PRH1: variants seen among roughly 807,000 people sequenced by gnomAD.
PRH1 encodes the protein proline rich protein HaeIII subfamily 1.
In PRH1, 7 loss-of-function variants were observed where a neutral mutation model predicts 7.9. The ratio of observed to expected loss-of-function variants is 0.89; its 90% CI spans 0.50 to 1.67. PRH1 has a LOEUF of 1.67. PRH1 is among the 40% of genes most tolerant of loss of function. PRH1 has a pLI of 0.00. For synonymous variants in PRH1, 45 were observed against 80.8 expected (o/e 0.56, Z 2.38); for missense variants, 109 against 223.6 (o/e 0.49, Z 3.27).
chr12:10,938,479 G>GA, intron 2 of PRH1: 1 of 1,614,022 alleles, frequency 6.2e-7, no homozygotes, highest in Non-Finnish European at 8.5e-7. Context: ...AAGACAGAGA[G>GA]AAAATGGCAT....
intron 1 of PRH1, among the ~76,000 whole-genome samples, chr12:11,042,328 A>T (rs1942738829): frequency 1.3e-5 from 2 of 151,988 alleles, no homozygotes; most frequent in Non-Finnish European, 2.9e-5. Context: ...AGTGACTAGT[A>T]TGAACAACTA....
chr12:11,041,431 C>G (rs552843556), intron 1 of PRH1, among the ~76,000 whole-genome samples: 15 of 151,998 alleles, frequency 9.9e-5, no homozygotes, highest in Middle Eastern at 3.4e-3. Flanking sequence ...AAGGATATAG[C>G]AATTGTAAAT....
chr12:11,060,204 A>G (rs1943527726), intron 1 of PRH1, among the ~76,000 whole-genome samples: 1 of 152,182 alleles, frequency 6.6e-6, no homozygotes, highest in South Asian at 2.1e-4. Flanking sequence ...ATCTCATAAT[A>G]GAACTTCCTA....
intron 2 of PRH1, among the ~76,000 whole-genome samples, chr12:10,917,317 G>T (rs1488891127): frequency 2.1e-5 from 3 of 140,950 alleles, no homozygotes; most frequent in African/African-American, 4.9e-5. Context: ...TCAACTAAGG[G>T]ATTAATACAA....
chr12:10,921,358 T>C (rs1950043013), intron 2 of PRH1, among the ~76,000 whole-genome samples: 1 of 152,116 alleles, frequency 6.6e-6, no homozygotes, highest in Non-Finnish European at 1.5e-5. Context: ...TGTTGATTTA[T>C]TAAAGTTTTT....
chr12:10,949,450 T>A (rs1175798613), intron 2 of PRH1, among the ~76,000 whole-genome samples: 1 of 152,216 alleles, frequency 6.6e-6, no homozygotes, highest in Admixed American at 6.5e-5. Context: ...TGTCCAAGAT[T>A]AGCATTAAGA....
chr12:11,094,920 T>C (rs1383744037), intron 1 of PRH1, among the ~76,000 whole-genome samples: 1 of 93,778 alleles, frequency 1.1e-5, no homozygotes, highest in African/African-American at 3.6e-5. Flanking sequence ...ATATAAGCAA[T>C]ATCCATAATT....
intron 1 of PRH1, among the ~76,000 whole-genome samples, chr12:10,995,969 A>T (rs1426080705): frequency 1.3e-5 from 2 of 152,058 alleles, no homozygotes; most frequent in African/African-American, 4.8e-5. Flanking sequence ...TATATTTTTC[A>T]CCCTTGAATT....
In PRH1 at chr12:10,883,057, T is replaced by C. The variant is rs1372351193; in HGVS notation, c.100+4A>G. Reference sequence around the variant, plus strand: ...GAGTTTACTGAGAATTTATTGGGATTTACCTGATATTACGAGGGGAACATC... The same window carrying C: ...GAGTTTACTGAGAATTTATTGGGATCTACCTGATATTACGAGGGGAACATC... On this transcript the variant is annotated splice_donor_region_variant and intron_variant, in intron 2 of 3. Transcript: ENST00000543626. 3 of 1,612,162 alleles carry C rather than the reference T, an allele frequency of 1.9e-6. No homozygotes were observed. Among genetic ancestry groups the C allele is most frequent in the South Asian group, 1.1e-5 (1 of 91,048 alleles).
chr12:10,928,338 C>G (rs1458779974), intron 2 of PRH1, among the ~76,000 whole-genome samples: 2 of 152,086 alleles, frequency 1.3e-5, no homozygotes, highest in Non-Finnish European at 2.9e-5. Flanking sequence ...AGTATGGCCA[C>G]TTAGTTATTA....
chr12:11,108,829 C>T (rs1945505753), intron 1 of PRH1, among the ~76,000 whole-genome samples: 1 of 152,146 alleles, frequency 6.6e-6, no homozygotes, highest in South Asian at 2.1e-4. Context: ...ACCATTCAGT[C>T]CCCTGGAAAG....
intron 1 of PRH1, chr12:11,077,495 A>C (rs1944331035): frequency 9.8e-7 from 1 of 1,017,262 alleles, no homozygotes; most frequent in African/African-American, 1.7e-5. Flanking sequence ...CAAAGATTCC[A>C]GGTTAATGTG....
intron 1 of PRH1, among the ~76,000 whole-genome samples, chr12:11,151,059 T>C (rs897629071): frequency 2.6e-5 from 4 of 152,200 alleles, no homozygotes; most frequent in Admixed American, 6.5e-5. Flanking sequence ...CTGGGCTGGC[T>C]GGACCCTGCT....
intron 2 of PRH1, among the ~76,000 whole-genome samples, chr12:10,925,661 A>T (rs1950113455): frequency 1.3e-5 from 2 of 152,226 alleles, no homozygotes; most frequent in South Asian, 4.1e-4. Flanking sequence ...AAACAAACTT[A>T]TTTCCTCAGG....
rs1252805064 is a variant in PRH1 at position 11,171,279 on chromosome 12, C to G, written n.39+143G>C. 6.1e-6 allele frequency: 6 copies of G among 976,818 alleles called. No individual in the cohort carries two copies. In the African/African-American group the frequency reaches 6.6e-5, roughly 11 times the overall value. 60.5% of individuals were successfully genotyped at this position (976,818 alleles called of 1,614,324 possible). A position where few individuals can be genotyped will look rare whatever the true frequency, so the allele number is the denominator to read the frequency against. ...CCGCTTTGCTTACCGTCCTGCCGGT[C>G]CCAGCCGTCGCTAGGAGGTCCGCGG... is the stretch of plus-strand genomic sequence containing the variant. On this transcript the variant is annotated intron_variant and non_coding_transcript_variant, in intron 1 of 1. Coordinates refer to the PRH1 transcript ENST00000541175.
intron 1 of PRH1, among the ~76,000 whole-genome samples, chr12:11,032,898 C>T (rs556216499): frequency 4.6e-5 from 7 of 152,212 alleles, no homozygotes; most frequent in African/African-American, 1.4e-4. Flanking sequence ...GAGATGGCTT[C>T]CATACTGGGG....
Position 11,113,809 on chromosome 12 carries a change from T to C in PRH1, n.123+57613A>G, listed in dbSNP as rs909408961. Among the ~76,000 whole-genome samples the C allele has an allele frequency of 2.0e-5, 3 of 151,562 alleles. No homozygotes were observed. The East Asian group carries it at 5.8e-4, about 29-fold the overall frequency. On this transcript the variant is annotated intron_variant and non_coding_transcript_variant, in intron 1 of 4. Transcript: ENST00000541977. ...AGAATGGGAGAAAATTTTTGCAATC[T>C]ATTAAACAAACAACCCCATCAAAAA...
At chr12:11,134,931 C>T (rs1426194672) in intron 1 of PRH1, among the ~76,000 whole-genome samples, 1 of 152,074 alleles carries the variant, frequency 6.6e-6, no homozygotes, top group Non-Finnish European at 1.5e-5. Flanking sequence ...CATGTGCACA[C>T]CACTTATGAA....
At chr12:11,145,929 T>C (rs1422846546) in intron 1 of PRH1, among the ~76,000 whole-genome samples, 3 of 152,182 alleles carry the variant, frequency 2.0e-5, no homozygotes, top group Non-Finnish European at 4.4e-5. Context: ...TACATAGCTC[T>C]ATAACTGTTT....
Sources: allele counts gnomAD v4.1 joint callset (sites outside exome capture counted in the v4.1 genomes callset), GRCh38; gene constraint gnomAD v4.1.1; transcripts MANE v1.5; gene names NCBI Gene and HGNC (gene_info 2026-07-23, HGNC 2026-07-21).